LNPK: variants seen among roughly 807,000 people sequenced by gnomAD.
LNPK encodes endoplasmic reticulum junction formation protein lunapark.
In LNPK, 29 loss-of-function variants were observed where a neutral mutation model predicts 55.2. The observed-to-expected ratio is 0.53, with a 90% CI of 0.39 to 0.72. The LOEUF (loss-of-function observed/expected upper bound fraction) is 0.72, where lower values mean the gene tolerates loss of function less well. Among genes scored for constraint, LNPK ranks in the 30% least tolerant of loss-of-function variants. The pLI is 0.00. For missense variants in LNPK, 467 were observed against 494.8 expected (o/e 0.94, Z 0.53); for synonymous variants, 162 against 168.2 (o/e 0.96, Z 0.29).
Position 175,983,804 on chromosome 2 carries a change from T to TA in LNPK, c.258-3937dup, listed in dbSNP as rs1207640628. On this transcript the variant is annotated intron_variant, in intron 4 of 12. Transcript: ENST00000272748. ...CTAAAAGAAAGTCACATTATAAAGT[T>TA]AAAAAAAAAAATGTGATTCCTTTCC... Among the ~76,000 whole-genome samples, 699 of 145,830 alleles carry TA rather than the reference T, an allele frequency of 4.8e-3. 12 individuals carry two copies. The highest frequency in any genetic ancestry group is 6.4e-3 in the African/African-American group (255 of 40,048).
intron 1 of LNPK, among the ~76,000 whole-genome samples, chr2:176,000,195 C>T (rs1346791005): frequency 3.3e-5 from 5 of 152,200 alleles, no homozygotes; most frequent in African/African-American, 9.7e-5. Flanking sequence ...TTTCACCTCA[C>T]TCCAAGACAC....
rs1244594529 is a variant in LNPK at position 175,925,086 on chromosome 2, T to G, written c.*4881A>C. ...CACCATTTCTAAGTCATTTAGGATTTTCGGAAACTCAGCATACTATATTTT... is the reference window on the plus strand; with the variant it reads ...CACCATTTCTAAGTCATTTAGGATTGTCGGAAACTCAGCATACTATATTTT... On this transcript the variant is annotated 3_prime_UTR_variant, in exon 13 of 13. Transcript: ENST00000272748. 6.6e-6 allele frequency: 1 copy of G among 152,096 alleles called. No homozygotes were observed. The highest frequency in any genetic ancestry group is 1.5e-5 in the Non-Finnish European group (1 of 68,022). 9.4% of individuals were successfully genotyped at this position (152,096 alleles called of 1,614,324 possible). A position where few individuals can be genotyped will look rare whatever the true frequency, so the allele number is the denominator to read the frequency against.
chr2:175,983,171 AGGC>A (rs750412648), intron 4 of LNPK, among the ~76,000 whole-genome samples: 4 of 152,250 alleles, frequency 2.6e-5, no homozygotes, highest in Admixed American at 6.5e-5. Flanking sequence ...GCACAGCTAC[AGGC>A]AGACACTCCT....
In LNPK at chr2:175,929,996, G is replaced by A. The variant is rs780349562; in HGVS notation, c.1258C>T (p.Leu420=). Residue 420 remains leucine, a synonymous_variant, in exon 13 of 13, where the codon CTA becomes TTA. Coordinates refer to ENST00000272748, the MANE Select transcript of LNPK (RefSeq NM_030650.3). ...TCTGCCGTCAAAGATTCTCCACTTA[G>A]TTCAGGATCAGGAATAGAATCAGCT... The part of the protein sequence containing the change: ...PGADSIPDPE[L]SGESLTAE 2 of 1,614,000 alleles carry A rather than the reference G, an allele frequency of 1.2e-6. No homozygotes were observed. Among genetic ancestry groups the A allele is most frequent in the African/African-American group, 1.3e-5 (1 of 75,022 alleles).
At chr2:176,001,633 A>G (rs533548474) in intron 1 of LNPK, among the ~76,000 whole-genome samples, 204 of 152,250 alleles carry the variant, frequency 1.3e-3, no homozygotes, top group Non-Finnish European at 2.4e-3. Context: ...CCCACACGCT[A>G]GAGCCCGGCA....
At chr2:175,937,200 A>C in intron 12 of LNPK, 144 bp downstream of exon 12, 1 of 680,008 alleles carries the variant, frequency 1.5e-6, no homozygotes, top group Non-Finnish European at 2.4e-6. Flanking sequence ...ATCACACAGG[A>C]GGCTATGGTA....
chr2:175,947,585 T>G lies in LNPK; in HGVS notation c.601A>C (p.Ser201Arg). 1 of 1,613,960 alleles carries G rather than the reference T, an allele frequency of 6.2e-7. No homozygotes were observed. Among genetic ancestry groups the G allele is most frequent in the Non-Finnish European group, 8.5e-7 (1 of 1,179,868 alleles). ...VPVSPGPPKD[S>R]SAPGGPPERT... ...TCTGGGGGTCCACCAGGGGCAGAAC[T>G]GTCCTTTGGTGGTCCAGGAGATACT... The change falls in exon 9 of 13, where the codon AGT (serine) becomes CGT (arginine). Residue 201 changes from serine to arginine, a missense_variant. Ser to Arg is a moderately radical substitution (Grantham distance 110). Transcript: ENST00000272748.
chr2:175,966,913 A>C (rs946250100), intron 6 of LNPK, among the ~76,000 whole-genome samples: 3 of 152,252 alleles, frequency 2.0e-5, no homozygotes, highest in Non-Finnish European at 4.4e-5. Flanking sequence ...GAAAGAGTCC[A>C]CAACAGTGCC....
intron 5 of LNPK, among the ~76,000 whole-genome samples, chr2:175,974,649 C>T (rs1053672751): frequency 3.9e-5 from 6 of 152,160 alleles, no homozygotes; most frequent in Non-Finnish European, 7.3e-5. Flanking sequence ...GACTTGGCTT[C>T]CAGGCTGCAG....
intron 9 of LNPK, among the ~76,000 whole-genome samples, chr2:175,946,369 T>C (rs757187579): frequency 2.0e-5 from 3 of 152,170 alleles, no homozygotes; most frequent in Admixed American, 1.3e-4. Flanking sequence ...TTCAATCAAT[T>C]TAACTTTTCT....
chr2:175,983,028 T>C (rs1250774490), intron 4 of LNPK, among the ~76,000 whole-genome samples: 1 of 152,092 alleles, frequency 6.6e-6, no homozygotes, highest in Non-Finnish European at 1.5e-5. Context: ...TCAAAAGCAA[T>C]GGAGATTATT....
At chr2:175,953,481 T>C (rs940775105) in intron 8 of LNPK, among the ~76,000 whole-genome samples, 1 of 152,136 alleles carries the variant, frequency 6.6e-6, no homozygotes, top group East Asian at 1.9e-4. Flanking sequence ...ATTCCAATTA[T>C]GTTCTTTATC....
In LNPK at chr2:175,987,669, A is replaced by ACTT. The variant is rs1258805614; in HGVS notation, c.257+4561_257+4562insAAG. Among the ~76,000 whole-genome samples, 16 of 71,412 alleles carry ACTT rather than the reference A, an allele frequency of 2.2e-4. No individual in the cohort carries two copies. In the East Asian group the frequency reaches 7.1e-3, roughly 32 times the overall value. 46.8% of individuals were successfully genotyped at this position (71,412 alleles called of 152,430 possible). On this transcript the variant is annotated intron_variant, in intron 4 of 12. Transcript: ENST00000272748. Reference sequence around the variant, plus strand: ...GCACATGTACCCTAAAACTTAAAGTATAATTAAAAAAAAAAAAATCACTAC... The same window carrying ACTT: ...GCACATGTACCCTAAAACTTAAAGTACTTTAATTAAAAAAAAAAAAATCACTAC...
At chr2:175,989,045 G>A (rs1400509587) in intron 4 of LNPK, among the ~76,000 whole-genome samples, 4 of 152,186 alleles carry the variant, frequency 2.6e-5, no homozygotes, top group Admixed American at 2.6e-4. Flanking sequence ...AAAGTGCTGG[G>A]ATTACAGGCG....
rs1475763182 is a variant in LNPK at position 175,926,700 on chromosome 2, C to A, written c.*3267G>T. ...ACAGAATAAGAATGCAAATGTTTAT[C>A]ATCATTATTAATGCAATGTGAACAG... is the stretch of plus-strand genomic sequence containing the variant. On this transcript the variant is annotated 3_prime_UTR_variant, in exon 13 of 13. Coordinates refer to ENST00000272748, the MANE Select transcript of LNPK (RefSeq NM_030650.3). 1.3e-5 allele frequency: 2 copies of A among 152,106 alleles called. No homozygotes were observed. Among genetic ancestry groups the A allele is most frequent in the Non-Finnish European group, 1.5e-5 (1 of 68,034 alleles). 9.4% of individuals were successfully genotyped at this position (152,106 alleles called of 1,614,324 possible).
intron 5 of LNPK, among the ~76,000 whole-genome samples, chr2:175,974,992 T>C (rs72912944): frequency 0.062 from 9,159 of 148,866 alleles, 325 homozygotes; most frequent in Admixed American, 0.12. Context: ...TCCAAAGGAC[T>C]CTTGAAAAAG....
chr2:175,946,036 C>T (rs2592502), intron 9 of LNPK, among the ~76,000 whole-genome samples: 39,102 of 152,022 alleles, frequency 0.26, 5,760 homozygotes, highest in South Asian at 0.41. Flanking sequence ...TTATTTAACT[C>T]ATTCACATTT....
At chr2:175,942,051 C>T (rs1038179054) in intron 9 of LNPK, among the ~76,000 whole-genome samples, 9 of 151,658 alleles carry the variant, frequency 5.9e-5, no homozygotes, top group African/African-American at 2.2e-4. Flanking sequence ...GAATTCATCA[C>T]TAGAAGAACA....
At chr2:175,980,904 C>CAAA (rs369143349) in intron 4 of LNPK, among the ~76,000 whole-genome samples, 59 of 99,544 alleles carry the variant, frequency 5.9e-4, no homozygotes, top group Non-Finnish European at 7.5e-4. Context: ...AAGACTGTCC[C>CAAA]AAAAAAAAAA....
Sources: gnomAD v4.1 joint callset for allele counts (sites outside exome capture counted in the v4.1 genomes callset) on GRCh38, gnomAD v4.1.1 for gene constraint, MANE v1.5 for transcripts, NCBI Gene and HGNC (gene_info 2026-07-23, HGNC 2026-07-21) for gene names.